Variants in ADAMTSL1 observed in about 807,000 individuals in gnomAD.
ADAMTSL1 encodes the protein ADAMTS like 1.
A neutral mutation model predicts 201.8 loss-of-function variants in ADAMTSL1; 126 were observed. That is an observed-to-expected ratio of 0.62 (90% confidence interval 0.54 to 0.72). The LOEUF is 0.72. Ranked by LOEUF, ADAMTSL1 falls within the 30% of genes least tolerant of loss-of-function variation. The pLI, the probability that ADAMTSL1 is intolerant of heterozygous loss-of-function variation, is 0.00. For synonymous variants in ADAMTSL1, 1,121 were observed against 903.4 expected, an observed-to-expected ratio of 1.24 and a Z score of -4.32; for missense variants, 2,679 against 2,277.8, an observed-to-expected ratio of 1.18 and a Z score of -3.59.
intron 1 of ADAMTSL1, among the ~76,000 whole-genome samples, chr9:18,073,507 C>T (rs1345689519): frequency 6.6e-6 from 1 of 152,078 alleles, no homozygotes; most frequent in East Asian, 1.9e-4. Context: ...GGTGTTTGCA[C>T]TTGGGGGATT....
At chr9:18,397,356 T>C (rs1371994100) in intron 2 of ADAMTSL1, among the ~76,000 whole-genome samples, 1 of 152,140 alleles carries the variant, frequency 6.6e-6, no homozygotes, top group African/African-American at 2.4e-5. Flanking sequence ...TTAAAAGTAC[T>C]GTATTTCTTG....
chr9:18,080,372 G>A lies in ADAMTSL1; in HGVS notation c.88-83490G>A, dbSNP rs147871510. On this transcript the variant is annotated intron_variant, in intron 1 of 29. Coordinates refer to the ADAMTSL1 transcript ENST00000680146. ...AGAAGTGGAAAGGGTGAGCTAGGAG[G>A]ATACCTACAAGATGCCTCTGAGCAA... Among the ~76,000 whole-genome samples the A allele has an allele frequency of 3.0e-3, 457 of 152,246 alleles. 9 individuals carry two copies. The South Asian group carries it at 0.043, about 14-fold the overall frequency.
At chr9:18,601,493 T>C (rs1019959567) in intron 4 of ADAMTSL1, among the ~76,000 whole-genome samples, 2 of 152,216 alleles carry the variant, frequency 1.3e-5, no homozygotes, top group Non-Finnish European at 1.5e-5. Context: ...GAAGAGAGTC[T>C]GGCCTAGTCT....
At chr9:18,629,989 GT>G (rs1414682792) in intron 5 of ADAMTSL1, among the ~76,000 whole-genome samples, 1 of 151,396 alleles carries the variant, frequency 6.6e-6, no homozygotes, top group Non-Finnish European at 1.5e-5. Context: ...TGTTTTTTTT[GT>G]TTGTTTGTTT....
intron 2 of ADAMTSL1, among the ~76,000 whole-genome samples, chr9:18,175,372 T>C (rs1828094375): frequency 6.6e-6 from 1 of 152,222 alleles, no homozygotes; most frequent in Non-Finnish European, 1.5e-5. Flanking sequence ...GCAGACACTG[T>C]GCATTTATCA....
At chr9:18,048,436 G>C (rs1381878877) in intron 1 of ADAMTSL1, among the ~76,000 whole-genome samples, 1 of 152,148 alleles carries the variant, frequency 6.6e-6, no homozygotes, top group Non-Finnish European at 1.5e-5. Flanking sequence ...AATCTGAGTA[G>C]AGTATGGGCT....
intron 19 of ADAMTSL1, among the ~76,000 whole-genome samples, chr9:18,791,985 T>C (rs180867429): frequency 1.3e-5 from 2 of 152,038 alleles, no homozygotes; most frequent in African/African-American, 2.4e-5. Flanking sequence ...AGTGTAACTA[T>C]AAAAACTAAC....
intron 1 of ADAMTSL1, among the ~76,000 whole-genome samples, chr9:18,145,078 T>C (rs949813011): frequency 2.6e-5 from 4 of 152,132 alleles, no homozygotes; most frequent in African/African-American, 7.2e-5. Flanking sequence ...AACAATGATA[T>C]CAATGTTATT....
At chr9:17,962,146 C>T (rs759481844) in intron 1 of ADAMTSL1, among the ~76,000 whole-genome samples, 1 of 152,266 alleles carries the variant, frequency 6.6e-6, no homozygotes, top group Admixed American at 6.5e-5. Flanking sequence ...CTTTATGAGA[C>T]TACGTCTTGA....
At chr9:18,591,405 C>A (rs1823905472) in intron 4 of ADAMTSL1, among the ~76,000 whole-genome samples, 1 of 152,098 alleles carries the variant, frequency 6.6e-6, no homozygotes, top group East Asian at 1.9e-4. Flanking sequence ...AGTTTGTGTG[C>A]CCTTATAGGT....
At chr9:17,980,627 G>A (rs966503031) in intron 1 of ADAMTSL1, among the ~76,000 whole-genome samples, 7 of 152,036 alleles carry the variant, frequency 4.6e-5, no homozygotes, top group African/African-American at 1.7e-4. Context: ...TTTTTGGGGG[G>A]CAATTGGGTC....
chr9:17,996,006 C>T (rs575258325), intron 1 of ADAMTSL1, among the ~76,000 whole-genome samples: 1 of 151,980 alleles, frequency 6.6e-6, no homozygotes, highest in Non-Finnish European at 1.5e-5. Flanking sequence ...GTGTCTAGCT[C>T]AAAGCAAGTG....
chr9:18,772,729 G>A (rs1448920898), intron 17 of ADAMTSL1, among the ~76,000 whole-genome samples: 1 of 152,122 alleles, frequency 6.6e-6, no homozygotes, highest in Non-Finnish European at 1.5e-5. Context: ...TTCCATTTGG[G>A]CTCACTTGTC....
intron 1 of ADAMTSL1, among the ~76,000 whole-genome samples, chr9:18,025,173 T>C (rs557354630): frequency 4.6e-5 from 7 of 152,146 alleles, no homozygotes; most frequent in Admixed American, 1.3e-4. Flanking sequence ...CTTTGTCAGA[T>C]GCCTACTTTG....
intron 2 of ADAMTSL1, among the ~76,000 whole-genome samples, chr9:18,210,341 CAT>C (rs1276482498): frequency 6.7e-6 from 1 of 148,798 alleles, no homozygotes; most frequent in African/African-American, 2.5e-5. Flanking sequence ...CAACTTTTAA[CAT>C]ATTACAACTA....
intron 1 of ADAMTSL1, among the ~76,000 whole-genome samples, chr9:18,082,866 A>G (rs983103606): frequency 2.6e-5 from 4 of 152,228 alleles, no homozygotes; most frequent in Non-Finnish European, 4.4e-5. Context: ...AATAGCTAAT[A>G]TAACATGAGA....
intron 3 of ADAMTSL1, 96 bp downstream of exon 3, chr9:18,533,388 G>C: frequency 2.1e-6 from 2 of 968,648 alleles, no homozygotes; most frequent in South Asian, 1.8e-5. Context: ...CAACCAACTA[G>C]TATTTCACTG....
chr9:18,669,863 G>A (rs890115292), intron 9 of ADAMTSL1, among the ~76,000 whole-genome samples: 13 of 152,120 alleles, frequency 8.5e-5, no homozygotes, highest in Admixed American at 6.5e-5. Context: ...AAACCTTGAT[G>A]TAAGGTATTC....
At chr9:18,663,879 C>T (rs965253983) in intron 9 of ADAMTSL1, among the ~76,000 whole-genome samples, 2 of 152,026 alleles carry the variant, frequency 1.3e-5, no homozygotes, top group Admixed American at 6.6e-5. Flanking sequence ...CTTTTTTGGC[C>T]TATTTCTTAT....
Sources: allele counts gnomAD v4.1 joint callset (sites outside exome capture counted in the v4.1 genomes callset), GRCh38; gene constraint gnomAD v4.1.1; transcripts MANE v1.5; gene names NCBI Gene and HGNC (gene_info 2026-07-23, HGNC 2026-07-21).